The following SEMA3A variants were observed in gnomAD, a reference collection of about 807,000 sequenced individuals.
The protein encoded by SEMA3A is semaphorin 3A.
SEMA3A carries 29 observed loss-of-function variants against 97.9 expected under a neutral mutation model. The observed-to-expected ratio is 0.30, with a 90% CI of 0.22 to 0.40. The LOEUF (loss-of-function observed/expected upper bound fraction) is 0.40, where lower values mean the gene tolerates loss of function less well. SEMA3A is among the 10% of genes least tolerant of loss of function. The pLI, the probability that SEMA3A is intolerant of heterozygous loss-of-function variation, is 1.00. For synonymous variants in SEMA3A, 321 were observed against 323.7 expected, an observed-to-expected ratio of 0.99 and a Z score of 0.09; for missense variants, 763 against 951.3, an observed-to-expected ratio of 0.80 and a Z score of 2.60.
At chr7:84,444,304 C>CTTTTTTTTTTTTTTTTTTTTTTTTTT (rs1805350433) in intron 1 of SEMA3A, among the ~76,000 whole-genome samples, 1 of 152,034 alleles carries the variant, frequency 6.6e-6, no homozygotes, top group Admixed American at 6.6e-5. Flanking sequence ...ATTAAAAGCT[C>CTTTTTTTTTTTTTTTTTTTTTTTTTT]TTCTTGTCTC....
intron 1 of SEMA3A, among the ~76,000 whole-genome samples, chr7:84,397,677 C>T (rs758529928): frequency 1.3e-4 from 19 of 151,984 alleles, no homozygotes; most frequent in Admixed American, 6.6e-5. Context: ...ATTTTGCCAA[C>T]GTAATCTCCA....
At chr7:84,021,047 A>G (rs1791310445) in intron 6 of SEMA3A, among the ~76,000 whole-genome samples, 2 of 152,228 alleles carry the variant, frequency 1.3e-5, no homozygotes, top group Non-Finnish European at 2.9e-5. Context: ...GGATCAATAT[A>G]TATACTTGAG....
intron 3 of SEMA3A, among the ~76,000 whole-genome samples, chr7:84,301,039 A>C (rs980824177): frequency 3.9e-5 from 6 of 152,230 alleles, no homozygotes; most frequent in Middle Eastern, 6.8e-3. Context: ...TTTATGGATT[A>C]AAAAATTCAA....
intron 2 of SEMA3A, among the ~76,000 whole-genome samples, chr7:84,350,466 A>G (rs1802410162): frequency 6.6e-6 from 1 of 152,122 alleles, no homozygotes. Context: ...ATTAAAACTG[A>G]TTTATTTATA....
chr7:84,284,637 T>A (rs1301482117), intron 3 of SEMA3A, among the ~76,000 whole-genome samples: 1 of 152,170 alleles, frequency 6.6e-6, no homozygotes, highest in African/African-American at 2.4e-5. Flanking sequence ...TATTAGCACT[T>A]TAAATAGCAT....
intron 2 of SEMA3A, among the ~76,000 whole-genome samples, chr7:84,308,760 A>G (rs1801231306): frequency 6.6e-6 from 1 of 152,090 alleles, no homozygotes; most frequent in Non-Finnish European, 1.5e-5. Flanking sequence ...GGAGCAAAGA[A>G]CATTATCCCA....
chr7:84,238,969 G>A (rs538408383), intron 3 of SEMA3A, among the ~76,000 whole-genome samples: 10 of 151,926 alleles, frequency 6.6e-5, no homozygotes, highest in African/African-American at 2.2e-4. Context: ...CGCCTGCCTC[G>A]GCCTCTCAAA....
intron 1 of SEMA3A, among the ~76,000 whole-genome samples, chr7:84,142,957 A>G (rs1584029877): frequency 2.0e-5 from 3 of 151,012 alleles, no homozygotes; most frequent in African/African-American, 7.4e-5. Flanking sequence ...ATCATTACAG[A>G]CCCATGCAAG....
At chr7:84,473,320 G>T (rs1039147231) in intron 1 of SEMA3A, among the ~76,000 whole-genome samples, 108 of 149,878 alleles carry the variant, frequency 7.2e-4, no homozygotes, top group Non-Finnish European at 5.8e-4. Context: ...ACAAAGAATT[G>T]GGAAATATTA....
Position 84,438,876 on chromosome 7 carries a change from TTTAA to T in SEMA3A, c.-246+53580_-246+53583del, listed in dbSNP as rs566031959. Among the ~76,000 whole-genome samples the T allele has an allele frequency of 4.0e-3, 611 of 152,194 alleles. 2 individuals carry two copies. Among genetic ancestry groups the T allele is most frequent in the Non-Finnish European group, 5.7e-3 (390 of 67,954 alleles). ...TTTTCTTATTTCAGCTTATAACAGA[TTTAA>T]TTAATGTTACTTCTTTATTTCAGTT... is the stretch of plus-strand genomic sequence containing the variant. On this transcript the variant is annotated intron_variant, in intron 1 of 3. Transcript: ENST00000424555.
At chr7:83,970,829 A>G (rs182120748) in intron 15 of SEMA3A, among the ~76,000 whole-genome samples, 9 of 152,300 alleles carry the variant, frequency 5.9e-5, no homozygotes, top group African/African-American at 2.2e-4. Context: ...AAGGTCAAGA[A>G]TAGGAGGAAA....
chr7:84,147,933 A>G (rs1796511243), intron 1 of SEMA3A, among the ~76,000 whole-genome samples: 1 of 151,672 alleles, frequency 6.6e-6, no homozygotes, highest in South Asian at 2.1e-4. Flanking sequence ...TTTTTGAGAC[A>G]GTGTCTCACT....
upstream of SEMA3A, among the ~76,000 whole-genome samples, chr7:84,196,571 ATTG>A (rs1584114120): frequency 6.6e-6 from 1 of 152,220 alleles, no homozygotes; most frequent in Admixed American, 6.5e-5. Context: ...ATCAGCCAGT[ATTG>A]TTAAGAAAAT....
At chr7:84,341,964 C>T (rs1392668277) in intron 2 of SEMA3A, among the ~76,000 whole-genome samples, 1 of 152,134 alleles carries the variant, frequency 6.6e-6, no homozygotes, top group Non-Finnish European at 1.5e-5. Context: ...ACTTTCTACT[C>T]ATTCTTCACA....
chr7:83,961,636 T>G lies in SEMA3A; in HGVS notation c.2051A>C (p.Asp684Ala), dbSNP rs763863990. 2.5e-6 allele frequency: 4 copies of G among 1,614,030 alleles called. No homozygotes were observed. The South Asian group carries it at 4.4e-5, about 18-fold the overall frequency. The change falls in exon 17 of 17, where the codon GAT (aspartate) becomes GCT (alanine). Residue 684 changes from aspartate (D) to alanine (A), a missense_variant. Around this residue, in one of 2 missense-constraint regions of SEMA3A, gnomAD observed 678 missense variants for 881.3 expected, o/e 0.77. Transcript: ENST00000265362. Reference protein sequence around the residue: ...EELLHKDDDGDGSKTKEMSNS... With the variant: ...EELLHKDDDGAGSKTKEMSNS... ...GGACATTTCTTTGGTCTTAGAGCCA[T>G]CTCCATCATCATCTTTATGAAGAAG...
chr7:84,144,583 G>A (rs1356305691), intron 1 of SEMA3A, among the ~76,000 whole-genome samples: 4 of 152,090 alleles, frequency 2.6e-5, no homozygotes, highest in South Asian at 2.1e-4. Flanking sequence ...ATTGAGTCAC[G>A]TACAAGGGAA....
At chr7:84,061,459 ATTCTT>A (rs1793212441) in intron 4 of SEMA3A, among the ~76,000 whole-genome samples, 1 of 152,182 alleles carries the variant, frequency 6.6e-6, no homozygotes, top group Non-Finnish European at 1.5e-5. Context: ...ATTTCTGAGC[ATTCTT>A]TTAAGAACCA....
intron 1 of SEMA3A, among the ~76,000 whole-genome samples, chr7:84,144,987 T>C (rs538522044): frequency 6.6e-6 from 1 of 152,276 alleles, no homozygotes; most frequent in East Asian, 1.9e-4. Flanking sequence ...CATGTGTGTT[T>C]ACCCCTAAAT....
At chr7:84,095,276 A>ATATAAT in intron 4 of SEMA3A, among the ~76,000 whole-genome samples, 1 of 59,286 alleles carries the variant, frequency 1.7e-5, no homozygotes. Flanking sequence ...ATTATTATGT[A>ATATAAT]GCATATATAT....
Sources: gnomAD v4.1 joint callset for allele counts (sites outside exome capture counted in the v4.1 genomes callset) on GRCh38, gnomAD v4.1.1 for gene constraint, gnomAD v4.1.1 regional missense constraint, MANE v1.5 for transcripts, NCBI Gene and HGNC (gene_info 2026-07-23, HGNC 2026-07-21) for gene names.